GLIS3: variants seen among roughly 807,000 people sequenced by gnomAD.
GLIS3 encodes the protein zinc finger protein GLIS3.
GLIS3 carries 53 observed loss-of-function variants against 78.6 expected under a neutral mutation model. That is an observed-to-expected ratio of 0.67 (90% CI 0.54 to 0.85). The LOEUF is 0.85. GLIS3 is among the 40% of genes least tolerant of loss of function. GLIS3 has a pLI of 0.00. For missense variants in GLIS3, 1,703 were observed against 1,231.1 expected, an observed-to-expected ratio of 1.38 and a Z score of -5.74; for synonymous variants, 684 against 509.9, an observed-to-expected ratio of 1.34 and a Z score of -4.60.
intron 2 of GLIS3, among the ~76,000 whole-genome samples, chr9:4,248,188 G>A (rs758639578): frequency 5.6e-4 from 85 of 152,118 alleles, no homozygotes; most frequent in Admixed American, 1.9e-3. Flanking sequence ...TGCTGCACCC[G>A]TCAACCTGTC....
intron 4 of GLIS3, among the ~76,000 whole-genome samples, chr9:3,971,404 G>A (rs1478105100): frequency 6.6e-6 from 1 of 152,164 alleles, no homozygotes; most frequent in African/African-American, 2.4e-5. Flanking sequence ...GTCATTATCT[G>A]ATCCCTATGC....
chr9:4,274,484 C>G (rs1047803936), intron 2 of GLIS3, among the ~76,000 whole-genome samples: 2 of 152,122 alleles, frequency 1.3e-5, no homozygotes, highest in African/African-American at 4.8e-5. Flanking sequence ...ACACCCCACT[C>G]CACCTTCCTC....
chr9:4,417,666 G>C, the GLIS3 span, among the ~76,000 whole-genome samples: 2 of 152,150 alleles, frequency 1.3e-5, no homozygotes, highest in African/African-American at 4.8e-5. Context: ...TCAAAAAAGT[G>C]TGCATTTTAA....
Position 3,883,332 on chromosome 9 carries a change from C to A in GLIS3, c.2129-3737G>T, listed in dbSNP as rs116127509. On this transcript the variant is annotated intron_variant, in intron 7 of 10. Coordinates refer to ENST00000381971, the MANE Select transcript of GLIS3 (RefSeq NM_001042413.2). The stretch of plus-strand genomic sequence containing the variant: ...CAATTTTCCAGCACCTACTCTGCAC[C>A]AGGCAGGTGCTAATCTCCATTAATG... 5.6e-3 allele frequency among the ~76,000 whole-genome samples: 846 copies of A among 152,276 alleles called. 13 individuals are homozygous for A. Among genetic ancestry groups the A allele is most frequent in the African/African-American group, 0.02 (812 of 41,544 alleles).
Position 3,888,825 on chromosome 9 carries a change from T to C in GLIS3, c.2129-9230A>G, listed in dbSNP as rs1045724814. ...GTTTATGCCCATATACAACATTTTTTCAAATAATTTTTATGTAAAGGCTTT... is the reference window on the plus strand; with the variant it reads ...GTTTATGCCCATATACAACATTTTTCCAAATAATTTTTATGTAAAGGCTTT... On this transcript the variant is annotated intron_variant, in intron 7 of 10. Coordinates refer to ENST00000381971, the MANE Select transcript of GLIS3 (RefSeq NM_001042413.2). Among the ~76,000 whole-genome samples the C allele has an allele frequency of 4.5e-4, 68 of 152,200 alleles. 1 individual carries two copies. The highest frequency in any genetic ancestry group is 1.4e-3 in the Admixed American group (22 of 15,274).
chr9:4,291,458 A>G (rs896868724), intron 1 of GLIS3, among the ~76,000 whole-genome samples: 2 of 152,178 alleles, frequency 1.3e-5, no homozygotes, highest in African/African-American at 2.4e-5. Context: ...TTTATATTTT[A>G]TAAAATTTTC....
intron 4 of GLIS3, among the ~76,000 whole-genome samples, chr9:4,050,293 T>C (rs542972852): frequency 6.6e-6 from 1 of 152,330 alleles, no homozygotes; most frequent in South Asian, 2.1e-4. Flanking sequence ...TCATGTCCTT[T>C]GCAGGGACAT....
At chr9:3,864,708 T>A (rs1185326098) in intron 8 of GLIS3, among the ~76,000 whole-genome samples, 1 of 152,230 alleles carries the variant, frequency 6.6e-6, no homozygotes, top group African/African-American at 2.4e-5. Flanking sequence ...TTTCTGCACC[T>A]TCTCTTAAAG....
intron 2 of GLIS3, among the ~76,000 whole-genome samples, chr9:4,130,533 C>G (rs1832898878): frequency 6.6e-6 from 1 of 152,218 alleles, no homozygotes; most frequent in African/African-American, 2.4e-5. Context: ...CAAAGGGGCC[C>G]AGGTACAGCT....
At chr9:4,176,544 G>A (rs191052966) in intron 2 of GLIS3, among the ~76,000 whole-genome samples, 14 of 151,882 alleles carry the variant, frequency 9.2e-5, no homozygotes, top group African/African-American at 3.4e-4. Flanking sequence ...CACTTTTAGG[G>A]TAGGAGGAAT....
intron 4 of GLIS3, among the ~76,000 whole-genome samples, chr9:4,059,226 C>G (rs1357105757): frequency 6.6e-6 from 1 of 152,180 alleles, no homozygotes; most frequent in East Asian, 1.9e-4. Context: ...TTTCTCTATG[C>G]TTTATGCTAA....
At chr9:3,959,922 C>G (rs1817431832) in intron 4 of GLIS3, among the ~76,000 whole-genome samples, 1 of 152,176 alleles carries the variant, frequency 6.6e-6, no homozygotes. Flanking sequence ...GAGGCCGAGG[C>G]AGGCGGACCA....
At chr9:4,035,561 C>G (rs1484434269) in intron 4 of GLIS3, among the ~76,000 whole-genome samples, 3 of 151,958 alleles carry the variant, frequency 2.0e-5, no homozygotes, top group Non-Finnish European at 1.5e-5. Context: ...CTAGTTGAGG[C>G]TCTAGTCACT....
intron 4 of GLIS3, among the ~76,000 whole-genome samples, chr9:4,009,434 G>A (rs1035397058): frequency 1.3e-5 from 2 of 152,170 alleles, no homozygotes; most frequent in Non-Finnish European, 2.9e-5. Flanking sequence ...CATCCCTGCT[G>A]GCCAGCAAGG....
At chr9:4,314,447 C>T (rs1817409802) in intron 2 of GLIS3, among the ~76,000 whole-genome samples, 1 of 152,212 alleles carries the variant, frequency 6.6e-6, no homozygotes, top group Non-Finnish European at 1.5e-5. Context: ...TTTGCATGTG[C>T]ATATACAATG....
the GLIS3 span, among the ~76,000 whole-genome samples, chr9:4,416,245 CTG>C: frequency 4.9e-5 from 1 of 20,400 alleles, no homozygotes; most frequent in Non-Finnish European, 7.5e-5. Context: ...GAGTGAGACA[CTG>C]TTTTTAAAAA....
At chr9:4,169,975 A>G (rs1342625052) in intron 2 of GLIS3, among the ~76,000 whole-genome samples, 1 of 152,218 alleles carries the variant, frequency 6.6e-6, no homozygotes, top group Non-Finnish European at 1.5e-5. Context: ...CATCAAAATG[A>G]AAAAGGGATA....
At chr9:4,433,687 T>G in the GLIS3 span, among the ~76,000 whole-genome samples, 30 of 152,284 alleles carry the variant, frequency 2.0e-4, no homozygotes, top group Non-Finnish European at 4.4e-5. Context: ...CTCTAAGTGA[T>G]GCAAACCTGT....
the GLIS3 span, among the ~76,000 whole-genome samples, chr9:4,482,702 T>C: frequency 6.6e-6 from 1 of 152,234 alleles, no homozygotes; most frequent in African/African-American, 2.4e-5. Flanking sequence ...TAATATATGG[T>C]CTGTTGATGT....
Sources: allele counts gnomAD v4.1 joint callset (sites outside exome capture counted in the v4.1 genomes callset), GRCh38; gene constraint gnomAD v4.1.1; transcripts MANE v1.5; gene names NCBI Gene and HGNC (gene_info 2026-07-23, HGNC 2026-07-21).